The following DNAH17 variants were observed in gnomAD, a reference collection of about 807,000 sequenced individuals.
DNAH17 encodes the protein dynein axonemal heavy chain 17, also known as axonemal beta dynein heavy chain 17.
In DNAH17, 376 loss-of-function variants were observed where a neutral mutation model predicts 485.6. That is an observed-to-expected ratio of 0.77 (90% CI 0.71 to 0.84). The LOEUF (loss-of-function observed/expected upper bound fraction) is 0.84, where lower values mean the gene tolerates loss of function less well. Ranked by LOEUF, DNAH17 falls within the 40% of genes least tolerant of loss-of-function variation. The probability of loss-of-function intolerance (pLI) is 0.00; values close to 1 mark genes in which losing one functional copy is unlikely to be tolerated. For synonymous variants in DNAH17, 3,031 were observed against 2,405.9 expected, an observed-to-expected ratio of 1.26 and a Z score of -7.60; for missense variants, 6,370 against 5,839.3, an observed-to-expected ratio of 1.09 and a Z score of -2.96.
intron 15 of DNAH17, among the ~76,000 whole-genome samples, chr17:78,551,982 T>A (rs1488998858): frequency 4.1e-5 from 6 of 145,518 alleles, no homozygotes; most frequent in South Asian, 2.2e-4. Context: ...AAAAAAAAAA[T>A]TCAGCAGGAT....
At chr17:78,490,663 CG>C in intron 44 of DNAH17, 35 bp downstream of exon 44, 1 of 1,576,704 alleles carries the variant, frequency 6.3e-7, no homozygotes, top group Non-Finnish European at 8.6e-7. Context: ...TTTTCCCTGC[CG>C]AGGTTTGGAA....
chr17:78,549,288 C>T (rs1221368762), intron 16 of DNAH17, among the ~76,000 whole-genome samples: 1 of 137,902 alleles, frequency 7.3e-6, no homozygotes. Context: ...AGCAACCTCT[C>T]TCTACTACGT....
chr17:78,473,543 CAAAAAA>C (rs758795883), intron 54 of DNAH17, among the ~76,000 whole-genome samples: 2 of 55,446 alleles, frequency 3.6e-5, no homozygotes, highest in African/African-American at 1.4e-4. Flanking sequence ...GACTCTGTCT[CAAAAAA>C]AAAAAAAAAA....
Position 78,574,941 on chromosome 17 carries a change from C to A in DNAH17, c.117G>T (p.Leu39=). The A allele has an allele frequency of 1.2e-6, 2 of 1,614,030 alleles. No homozygotes were observed. The highest frequency in any genetic ancestry group is 1.7e-6 in the Non-Finnish European group (2 of 1,179,892). ...CGGGCTTTTCAAAGAACTCTGTGAA[C>A]AGGGCCACGTTCTCCTCGGCGCCTA... is the stretch of plus-strand genomic sequence containing the variant. ...KLIGAEENVA[L]FTEFFEKPDV... The change falls in exon 2 of 81, where the codon CTG becomes CTT. Residue 39 remains leucine (L), a synonymous_variant. Coordinates refer to ENST00000389840, the MANE Select transcript of DNAH17 (RefSeq NM_173628.4).
chr17:78,432,208 T>TA (rs10656176), intron 75 of DNAH17, among the ~76,000 whole-genome samples: 2,908 of 146,768 alleles, frequency 0.02, 68 homozygotes, highest in African/African-American at 0.053. Flanking sequence ...ATAAATAAAA[T>TA]AAATAAAAAT....
Position 78,494,589 on chromosome 17 carries a change from C to A in DNAH17, c.6270+4G>T. Reference sequence around the variant, plus strand: ...GGACAGACCTGAGACCCAGGAGTCCCGACCTTTTCAAAATTCAGGTCCCGT... The same window carrying A: ...GGACAGACCTGAGACCCAGGAGTCCAGACCTTTTCAAAATTCAGGTCCCGT... On this transcript the variant is annotated splice_donor_region_variant and intron_variant, in intron 40 of 80. Coordinates refer to ENST00000389840, the MANE Select transcript of DNAH17 (RefSeq NM_173628.4). 6.2e-7 allele frequency: 1 copy of A among 1,613,366 alleles called. No homozygotes were observed. The highest frequency in any genetic ancestry group is 8.5e-7 in the Non-Finnish European group (1 of 1,179,746).
intron 74 of DNAH17, among the ~76,000 whole-genome samples, chr17:78,436,784 G>A (rs531236304): frequency 6.6e-6 from 1 of 152,092 alleles, no homozygotes; most frequent in Non-Finnish European, 1.5e-5. Context: ...GGCAGAGGTT[G>A]CAGTGAGCCG....
intron 25 of DNAH17, among the ~76,000 whole-genome samples, chr17:78,523,918 TAAAA>T (rs1416966827): frequency 6.6e-6 from 1 of 152,018 alleles, no homozygotes; most frequent in African/African-American, 2.4e-5. Context: ...CAAAAATAAA[TAAAA>T]ATACTTTTTA....
chr17:78,500,268 A>T (rs35901117), intron 36 of DNAH17, 37 bp downstream of exon 36: 5 of 1,573,610 alleles, frequency 3.2e-6, no homozygotes, highest in East Asian at 4.7e-5. Context: ...CTATAAAAGA[A>T]GACTCTGGGT....
chr17:78,487,995 C>T (rs2089686851), intron 44 of DNAH17, among the ~76,000 whole-genome samples: 1 of 152,202 alleles, frequency 6.6e-6, no homozygotes, highest in South Asian at 2.1e-4. Context: ...GTCTCCATGC[C>T]TGTCGCAACT....
chr17:78,561,691 C>T, intron 12 of DNAH17, 24 bp downstream of exon 12: 2 of 1,579,876 alleles, frequency 1.3e-6, no homozygotes, highest in Admixed American at 3.5e-5. Context: ...GGGGTGCCTG[C>T]CCCTGCCCAG....
At chr17:78,477,948 T>TCACCACCAC in intron 51 of DNAH17, among the ~76,000 whole-genome samples, 3 of 133,340 alleles carry the variant, frequency 2.2e-5, no homozygotes, top group African/African-American at 6.9e-5. Flanking sequence ...ACCATCACCA[T>TCACCACCAC]TATCATCTCC....
At chr17:78,571,930 C>T (rs895606380) in intron 3 of DNAH17, 148 bp from the exon 4 acceptor site, 19 of 718,386 alleles carry the variant, frequency 2.6e-5, no homozygotes, top group Non-Finnish European at 3.6e-5. Context: ...CCAGCCACCT[C>T]GGGGACGCTA....
At chr17:78,541,909 G>A (rs947678899) in intron 17 of DNAH17, among the ~76,000 whole-genome samples, 2 of 152,120 alleles carry the variant, frequency 1.3e-5, no homozygotes, top group African/African-American at 4.8e-5. Context: ...ACCGTGGCAG[G>A]GAGGGGAGGG....
chr17:78,445,942 G>A (rs1454177336), intron 69 of DNAH17, among the ~76,000 whole-genome samples: 1 of 150,326 alleles, frequency 6.7e-6, no homozygotes, highest in Non-Finnish European at 1.5e-5. Context: ...GGCCGAGGAG[G>A]GGGTGGATCA....
chr17:78,498,349 AGGCCGCTAGGTC>A (rs1259439374), intron 37 of DNAH17, among the ~76,000 whole-genome samples: 1 of 152,148 alleles, frequency 6.6e-6, no homozygotes, highest in African/African-American at 2.4e-5. Context: ...CAATTGTCCC[AGGCCGCTAGGTC>A]GGCCTCCACT....
chr17:78,485,068 C>T, intron 47 of DNAH17, 35 bp from the exon 48 acceptor site: 1 of 1,565,010 alleles, frequency 6.4e-7, no homozygotes. Flanking sequence ...CCCGCCTGCG[C>T]CTCCTGAGCC....
intron 77 of DNAH17, among the ~76,000 whole-genome samples, chr17:78,427,669 C>T (rs1362419633): frequency 2.0e-5 from 3 of 152,164 alleles, no homozygotes; most frequent in South Asian, 2.1e-4. Context: ...AGAGCCTTTC[C>T]ACATTCTATT....
At position 78,462,969 on chromosome 17, in the gene DNAH17, G is replaced by A. The variant is rs149684122; in HGVS notation, c.9049C>T (p.Pro3017Ser). 17 of 1,614,012 alleles carry A rather than the reference G, an allele frequency of 1.1e-5. No homozygotes were observed. In the African/African-American group the frequency reaches 1.3e-4, roughly 13 times the overall value. Reference protein sequence around the residue: ...ATERRYNYTTPKTFLEQIKLY... With the variant: ...ATERRYNYTTSKTFLEQIKLY... ...TTGATCTGCTCCAGAAAGGTTTTGG[G>A]TGTGGTGTAGTTGTAGCGCCTCTCA... Residue 3017 changes from proline (P) to serine (S), a missense_variant, in exon 57 of 81, where the codon CCC becomes TCC. By Grantham distance (74) the Pro-to-Ser change is moderately conservative. Transcript: ENST00000389840.
Sources: allele counts gnomAD v4.1 joint callset (sites outside exome capture counted in the v4.1 genomes callset), GRCh38; gene constraint gnomAD v4.1.1; transcripts MANE v1.5; gene names NCBI Gene and HGNC (gene_info 2026-07-23, HGNC 2026-07-21).